The following DAB2IP variants were observed in gnomAD, a reference collection of about 807,000 sequenced individuals.
The protein encoded by DAB2IP is disabled homolog 2-interacting protein.
Under a neutral mutation model 107.2 loss-of-function variants are expected in DAB2IP, and 28 were observed. The observed-to-expected ratio is 0.26, with a 90% confidence interval of 0.19 to 0.36. The LOEUF (loss-of-function observed/expected upper bound fraction) is 0.36. Ranked by LOEUF, DAB2IP falls within the 10% of genes least tolerant of loss-of-function variation. DAB2IP has a pLI of 1.00. For missense variants in DAB2IP, 1,400 were observed against 1,644.7 expected (o/e 0.85, Z 2.57); for synonymous variants, 755 against 706.4 (o/e 1.07, Z -1.09).
At chr9:121,781,516 G>A (rs773874217) in exon 15 of DAB2IP, 2 of 1,613,948 alleles carry the variant, frequency 1.2e-6, no homozygotes, top group East Asian at 2.2e-5. Context: ...GATGCAAGCG[G>A]CTGTGGACTC....
intron 14 of DAB2IP, 127 bp from the exon 15 acceptor site, chr9:121,781,335 GTC>G: frequency 1.2e-6 from 1 of 852,946 alleles, no homozygotes; most frequent in African/African-American, 1.7e-5. Flanking sequence ...TGGGAGGCAA[GTC>G]TCTGACCCAA....
At chr9:121,652,659 A>G (rs963975174) in intron 1 of DAB2IP, among the ~76,000 whole-genome samples, 2 of 151,990 alleles carry the variant, frequency 1.3e-5, no homozygotes, top group African/African-American at 4.8e-5. Context: ...GTGGGGTGGA[A>G]GGGAGGAGAA....
At chr9:121,744,632 G>A (rs1832597738) in intron 3 of DAB2IP, among the ~76,000 whole-genome samples, 1 of 152,218 alleles carries the variant, frequency 6.6e-6, no homozygotes, top group East Asian at 1.9e-4. Flanking sequence ...TTTGGTCATA[G>A]GATTTTTGTA....
At chr9:121,610,680 C>T (rs1012461203) in intron 1 of DAB2IP, among the ~76,000 whole-genome samples, 2 of 152,150 alleles carry the variant, frequency 1.3e-5, no homozygotes, top group Non-Finnish European at 2.9e-5. Context: ...TCTTTTTCTA[C>T]GCTGATATCG....
chr9:121,749,322 ACT>A lies in DAB2IP; in HGVS notation c.363-7686_363-7685del, dbSNP rs552594504. Among the ~76,000 whole-genome samples, 32 of 151,844 alleles carry A rather than the reference ACT, an allele frequency of 2.1e-4. No homozygotes were observed. In the East Asian group the frequency reaches 2.3e-3, roughly 11 times the overall value. ...GTGCATTCATTGTGACCATGTCCAG[ACT>A]CTCTTTTTTTCCAGTGTGGGCAGAC... On this transcript the variant is annotated intron_variant, in intron 3 of 15. Transcript: ENST00000408936.
intron 1 of DAB2IP, among the ~76,000 whole-genome samples, chr9:121,600,917 C>G (rs920284550): frequency 1.3e-5 from 2 of 152,178 alleles, no homozygotes; most frequent in African/African-American, 4.8e-5. Flanking sequence ...TACCCTGGAG[C>G]CTGTGCCCTC....
chr9:121,693,632 T>C (rs1829273035), intron 2 of DAB2IP, among the ~76,000 whole-genome samples: 1 of 152,214 alleles, frequency 6.6e-6, no homozygotes, highest in Admixed American at 6.5e-5. Flanking sequence ...GCCTCCATCC[T>C]GAGTACTGTC....
At chr9:121,571,258 T>G (rs1829934649) in intron 1 of DAB2IP, among the ~76,000 whole-genome samples, 1 of 152,100 alleles carries the variant, frequency 6.6e-6, no homozygotes, top group South Asian at 2.1e-4. Flanking sequence ...TGCTGATGTG[T>G]TTCACCTGCA....
intron 1 of DAB2IP, among the ~76,000 whole-genome samples, chr9:121,641,062 G>A (rs1205404562): frequency 1.3e-5 from 2 of 149,374 alleles, no homozygotes; most frequent in East Asian, 2.0e-4. Flanking sequence ...CTCCTCCTGG[G>A]ATGGGGTGAC....
chr9:121,705,511 C>T (rs1458963588), intron 3 of DAB2IP, among the ~76,000 whole-genome samples: 2 of 152,182 alleles, frequency 1.3e-5, no homozygotes, highest in South Asian at 2.1e-4. Context: ...GTGTTTTCTT[C>T]TTGGGTATGC....
At chr9:121,614,422 C>A (rs1831201761) in intron 1 of DAB2IP, among the ~76,000 whole-genome samples, 1 of 142,400 alleles carries the variant, frequency 7.0e-6, no homozygotes. Context: ...CTCACTGCAA[C>A]CTCTGCCTCC....
intron 1 of DAB2IP, among the ~76,000 whole-genome samples, chr9:121,583,933 C>T (rs1589377152): frequency 6.6e-6 from 1 of 152,132 alleles, no homozygotes; most frequent in African/African-American, 2.4e-5. Context: ...AATCCCAGCA[C>T]TTTGGGAGGC....
At chr9:121,581,861 G>A (rs1216396717) in intron 1 of DAB2IP, among the ~76,000 whole-genome samples, 2 of 152,222 alleles carry the variant, frequency 1.3e-5, no homozygotes, top group African/African-American at 4.8e-5. Context: ...GAAATCGCCT[G>A]TGCTCCAGCC....
Position 121,720,392 on chromosome 9 carries a change from G to T in DAB2IP, c.362+20934G>T, listed in dbSNP as rs562860283. ...GAGCACCTACTGCGTGCCGGGTGCT[G>T]TGCCAGGCCCTGGAATAATTAACTT... On this transcript the variant is annotated intron_variant, in intron 3 of 15. Transcript: ENST00000408936. Among the ~76,000 whole-genome samples the T allele has an allele frequency of 2.1e-3, 321 of 152,332 alleles. No homozygotes were observed. The Middle Eastern group carries it at 0.027, about 13-fold the overall frequency.
intron 14 of DAB2IP, among the ~76,000 whole-genome samples, chr9:121,781,240 G>A (rs529454121): frequency 3.1e-4 from 47 of 152,300 alleles, no homozygotes; most frequent in African/African-American, 9.6e-4. Context: ...TAGGAGCAGC[G>A]AGTGTGGGAT....
intron 1 of DAB2IP, among the ~76,000 whole-genome samples, chr9:121,663,702 A>G (rs1391794490): frequency 6.6e-6 from 1 of 152,200 alleles, no homozygotes. Context: ...CAACATCATA[A>G]AACCAAAACG....
chr9:121,593,542 G>T (rs1830457257), intron 1 of DAB2IP, among the ~76,000 whole-genome samples: 1 of 152,050 alleles, frequency 6.6e-6, no homozygotes, highest in African/African-American at 2.4e-5. Flanking sequence ...AAAGTGCTGG[G>T]ATTACAGACA....
intron 1 of DAB2IP, among the ~76,000 whole-genome samples, chr9:121,668,888 G>C (rs930238397): frequency 6.6e-6 from 1 of 150,678 alleles, no homozygotes; most frequent in African/African-American, 2.4e-5. Flanking sequence ...TCAGCTTAAA[G>C]GGTCCATAGT....
At chr9:121,678,274 C>A (rs926645993) in intron 1 of DAB2IP, among the ~76,000 whole-genome samples, 2 of 152,178 alleles carry the variant, frequency 1.3e-5, no homozygotes, top group African/African-American at 2.4e-5. Flanking sequence ...GGTTACTCAG[C>A]GTAATGTTTT....
Sources: gnomAD v4.1 joint callset for allele counts (sites outside exome capture counted in the v4.1 genomes callset) on GRCh38, gnomAD v4.1.1 for gene constraint, MANE v1.5 for transcripts, NCBI Gene and HGNC (gene_info 2026-07-23, HGNC 2026-07-21) for gene names.